HM13: variants seen among roughly 807,000 people sequenced by gnomAD.
HM13 encodes the protein histocompatibility minor 13.
In HM13, 18 loss-of-function variants were observed where a neutral mutation model predicts 50.0. The ratio of observed to expected loss-of-function variants is 0.36; its 90% CI spans 0.25 to 0.53. The LOEUF (loss-of-function observed/expected upper bound fraction) is 0.53, where lower values mean the gene tolerates loss of function less well. Among genes scored for constraint, HM13 ranks in the 20% least tolerant of loss-of-function variants. HM13 has a pLI of 0.90. For missense variants in HM13, 393 were observed against 552.4 expected, an observed-to-expected ratio of 0.71 and a Z score of 2.89; for synonymous variants, 197 against 232.6, an observed-to-expected ratio of 0.85 and a Z score of 1.39.
intron 1 of HM13, among the ~76,000 whole-genome samples, chr20:31,521,681 A>G (rs1398615250): frequency 6.8e-6 from 1 of 147,982 alleles, no homozygotes; most frequent in Non-Finnish European, 1.5e-5. Flanking sequence ...GTGAGCCAAG[A>G]TTGCACCACT....
At chr20:31,565,165 C>CA (rs983329719) in intron 10 of HM13, among the ~76,000 whole-genome samples, 3,190 of 77,814 alleles carry the variant, frequency 0.041, 121 homozygotes, top group African/African-American at 0.13. Context: ...GACTCCATCT[C>CA]AAAAAAAAAA....
intron 3 of HM13, chr20:31,539,893 C>T (rs1983338786): frequency 6.6e-6 from 1 of 152,106 alleles, no homozygotes; most frequent in Admixed American, 6.6e-5. Flanking sequence ...AGGCAGGCAG[C>T]CTTGGGACAA....
intron 7 of HM13, among the ~76,000 whole-genome samples, chr20:31,551,827 G>A (rs892721466): frequency 1.3e-5 from 2 of 152,200 alleles, no homozygotes; most frequent in South Asian, 2.1e-4. Flanking sequence ...TTCTCCCTGC[G>A]TTGAGGAGAG....
chr20:31,561,445 A>T (rs1281939378), intron 9 of HM13, among the ~76,000 whole-genome samples, 189 bp from the exon 10 acceptor site: 1 of 152,194 alleles, frequency 6.6e-6, no homozygotes, highest in African/African-American at 2.4e-5. Context: ...TAAGAGAAGG[A>T]AAGCAACTTG....
intron 1 of HM13, among the ~76,000 whole-genome samples, chr20:31,520,555 C>T (rs1353247910): frequency 6.6e-6 from 1 of 152,158 alleles, no homozygotes; most frequent in Non-Finnish European, 1.5e-5. Context: ...CCGCCCACCT[C>T]GGCCTCCCAT....
intron 11 of HM13, 24 bp downstream of exon 11, chr20:31,566,319 G>A (rs369739786): frequency 9.5e-5 from 151 of 1,583,012 alleles, no homozygotes; most frequent in Non-Finnish European, 1.2e-4. Flanking sequence ...GGGGGCAGAT[G>A]TCCTCATGGG....
chr20:31,557,703 CTTTTTTT>C (rs1180267680), intron 8 of HM13, among the ~76,000 whole-genome samples: 1 of 80,906 alleles, frequency 1.2e-5, no homozygotes, highest in African/African-American at 5.7e-5. Flanking sequence ...GGCAGTGCTT[CTTTTTTT>C]TTTTTTTTTT....
At chr20:31,553,857 TCAGAA>T (rs767290650) in intron 7 of HM13, among the ~76,000 whole-genome samples, 10 of 152,008 alleles carry the variant, frequency 6.6e-5, no homozygotes, top group Non-Finnish European at 1.0e-4. Context: ...TCACCCTGCT[TCAGAA>T]CAAGGGCCAA....
At chr20:31,556,200 G>A (rs910226119) in intron 8 of HM13, among the ~76,000 whole-genome samples, 2 of 151,434 alleles carry the variant, frequency 1.3e-5, no homozygotes, top group African/African-American at 2.4e-5. Flanking sequence ...CACCACGCCC[G>A]GCTGATTTTG....
chr20:31,539,343 C>G, intron 3 of HM13: 1 of 985,452 alleles, frequency 1.0e-6, no homozygotes, highest in Non-Finnish European at 1.2e-6. Flanking sequence ...ACTGATAGAC[C>G]AAGAGGTGGC....
intron 11 of HM13, 103 bp from the exon 12 acceptor site, chr20:31,567,975 A>G: frequency 9.6e-7 from 1 of 1,038,320 alleles, no homozygotes; most frequent in Non-Finnish European, 1.4e-6. Flanking sequence ...AGGTAAAAAC[A>G]AGACAGTTCT....
intron 2 of HM13, among the ~76,000 whole-genome samples, chr20:31,531,622 C>T (rs147060675): frequency 1.6e-3 from 249 of 151,936 alleles, no homozygotes; most frequent in African/African-American, 5.4e-3. Context: ...TTTTTTGAGA[C>T]GGAGTCTGTC....
chr20:31,547,699 G>T, intron 4 of HM13: 7 of 1,341,270 alleles, frequency 5.2e-6, no homozygotes, highest in Non-Finnish European at 7.3e-6. Context: ...TACCGTAAGT[G>T]GGGAATTATT....
At chr20:31,549,478 G>A in intron 6 of HM13, 146 bp downstream of exon 6, 1 of 977,698 alleles carries the variant, frequency 1.0e-6, no homozygotes, top group South Asian at 1.5e-5. Context: ...TCCTCTCTGG[G>A]CCCATCTGTG....
At chr20:31,528,584 TTCTCCTGCCTC>T (rs1171838546) in intron 2 of HM13, among the ~76,000 whole-genome samples, 7 of 152,222 alleles carry the variant, frequency 4.6e-5, no homozygotes, top group African/African-American at 1.7e-4. Context: ...GTTCAAGTGG[TTCTCCTGCCTC>T]AGCCAGCTGA....
chr20:31,566,173 G>A (rs374503374), intron 10 of HM13, 37 bp from the exon 11 acceptor site: 48 of 1,560,356 alleles, frequency 3.1e-5, no homozygotes, highest in Admixed American at 2.8e-4. Flanking sequence ...GCAGTGCCGT[G>A]CCCAGCATGG....
intron 2 of HM13, among the ~76,000 whole-genome samples, chr20:31,533,608 G>C (rs1055506916): frequency 1.3e-5 from 2 of 152,346 alleles, no homozygotes; most frequent in Admixed American, 1.3e-4. Context: ...AGTGTGATAA[G>C]GCTGGTCCCT....
At chr20:31,517,836 AAAATC>A (rs1981891530) in intron 1 of HM13, among the ~76,000 whole-genome samples, 1 of 152,124 alleles carries the variant, frequency 6.6e-6, no homozygotes, top group South Asian at 2.1e-4. Flanking sequence ...AAAAAAAAAA[AAAATC>A]AAGCAGTGCA....
In HM13 at chr20:31,516,591, G is replaced by C. The variant is rs571284141; in HGVS notation, c.183+1857G>C. 1.0e-3 allele frequency among the ~76,000 whole-genome samples: 158 copies of C among 152,310 alleles called. 4 individuals are homozygous for C. The South Asian group carries it at 0.032, about 31-fold the overall frequency. On this transcript the variant is annotated intron_variant, in intron 1 of 12. Transcript: ENST00000398174. ...AGAGGTAGAATTTCAGCCAGGAGAA[G>C]GCATTCTAAGCAAAAGAAACCAGGT... is the stretch of plus-strand genomic sequence containing the variant.
Sources: gnomAD v4.1 joint callset for allele counts (sites outside exome capture counted in the v4.1 genomes callset) on GRCh38, gnomAD v4.1.1 for gene constraint, MANE v1.5 for transcripts, NCBI Gene and HGNC (gene_info 2026-07-23, HGNC 2026-07-21) for gene names.